Variants in BCL11B observed in about 807,000 individuals in gnomAD.
BCL11B encodes the protein B-cell lymphoma/leukemia 11B.
BCL11B carries 8 observed loss-of-function variants against 49.9 expected under a neutral mutation model. That is an observed-to-expected ratio of 0.16 (90% confidence interval 0.09 to 0.29). BCL11B has a LOEUF of 0.29. Among genes scored for constraint, BCL11B ranks in the 10% least tolerant of loss-of-function variants. The pLI, the probability that BCL11B is intolerant of heterozygous loss-of-function variation, is 1.00. For synonymous variants in BCL11B, 739 were observed against 637.4 expected, an observed-to-expected ratio of 1.16 and a Z score of -2.40; for missense variants, 1,006 against 1,351.0, an observed-to-expected ratio of 0.74 and a Z score of 4.00.
At chr14:99,264,469 A>G (rs1207158722) in intron 1 of BCL11B, 1 of 151,438 alleles carries the variant, frequency 6.6e-6, no homozygotes, top group East Asian at 2.0e-4. Context: ...GAAGGGGGCC[A>G]TAAAAAAGAA....
rs11385017 is a variant in BCL11B at position 99,187,662 on chromosome 14, C to CAA, written c.641-11469_641-11468dup. ...AAGAGGGAGTTAGGAGATAAACAGG[C>CAA]AAAAAAAAAAAAAAGGCCAGGAGTC... On this transcript the variant is annotated intron_variant, in intron 3 of 3. Transcript: ENST00000357195. Among the ~76,000 whole-genome samples the CAA allele has an allele frequency of 2.9e-3, 388 of 136,034 alleles. 3 individuals carry two copies. The highest frequency in any genetic ancestry group is 5.7e-3 in the African/African-American group (211 of 36,762). The allele number at this position is 136,034 out of a possible 152,430, so 89.2% of individuals were successfully genotyped here.
intron 3 of BCL11B, among the ~76,000 whole-genome samples, chr14:99,180,822 C>T (rs1200777451): frequency 6.6e-6 from 1 of 152,100 alleles, no homozygotes; most frequent in Non-Finnish European, 1.5e-5. Context: ...TGCAGCCTGC[C>T]TCATGCATTA....
intron 2 of BCL11B, among the ~76,000 whole-genome samples, chr14:99,233,364 C>A (rs1465061802): frequency 1.3e-5 from 2 of 152,180 alleles, no homozygotes; most frequent in Admixed American, 1.3e-4. Flanking sequence ...GTCCCCGAAG[C>A]CCGCAATGCT....
Position 99,176,099 on chromosome 14 carries a change from A to C in BCL11B, c.737T>G (p.Phe246Cys). 1 of 1,609,468 alleles carries C rather than the reference A, an allele frequency of 6.2e-7. No homozygotes were observed. The highest frequency in any genetic ancestry group is 8.5e-7 in the Non-Finnish European group (1 of 1,177,940). ...LLQHAQNTHGFRIYLEPGPAS... is the reference protein window; with the variant it reads ...LLQHAQNTHGCRIYLEPGPAS... ...CGGCCCGGGCTCCAGGTAGATGCGG[A>C]AGCCGTGCGTGTTCTGCGCGTGCTG... The change falls in exon 4 of 4, where the codon TTC becomes TGC. Residue 246 changes from phenylalanine (F) to cysteine (C), a missense_variant. Phe to Cys is a radical substitution (Grantham distance 205, BLOSUM62 -2). Transcript: ENST00000357195.
At chr14:99,207,416 T>C (rs1047621513) in intron 3 of BCL11B, among the ~76,000 whole-genome samples, 4 of 152,136 alleles carry the variant, frequency 2.6e-5, no homozygotes, top group African/African-American at 9.7e-5. Context: ...AGCTGAGACC[T>C]TGGGACCAGA....
At chr14:99,259,045 T>C (rs966879117) in intron 1 of BCL11B, among the ~76,000 whole-genome samples, 2 of 151,846 alleles carry the variant, frequency 1.3e-5, no homozygotes, top group Non-Finnish European at 2.9e-5. Flanking sequence ...AGTGTGGAGG[T>C]TTCATATTCC....
chr14:99,265,135 C>A (rs1055210494), intron 1 of BCL11B, among the ~76,000 whole-genome samples: 1 of 152,210 alleles, frequency 6.6e-6, no homozygotes, highest in African/African-American at 2.4e-5. Flanking sequence ...AGCATACTCA[C>A]GGCAGCTGGA....
chr14:99,266,661 G>A (rs923189717), intron 1 of BCL11B, among the ~76,000 whole-genome samples: 4 of 152,186 alleles, frequency 2.6e-5, no homozygotes, highest in Admixed American at 6.5e-5. Flanking sequence ...GTAAACTGCC[G>A]CCGCTGCTGA....
At position 99,170,364 on chromosome 14, in the gene BCL11B, T is replaced by C. The variant is rs1290181408; in HGVS notation, c.*3787A>G. 1.3e-5 allele frequency: 3 copies of C among 223,656 alleles called. No homozygotes were observed. The highest frequency in any genetic ancestry group is 2.7e-5 in the Non-Finnish European group (3 of 111,928). The allele number at this position is 223,656 out of a possible 1,614,324, so 13.9% of individuals were successfully genotyped here. A position where few individuals can be genotyped will look rare whatever the true frequency, so the allele number is the denominator to read the frequency against. On this transcript the variant is annotated 3_prime_UTR_variant, in exon 4 of 4. Coordinates refer to ENST00000357195, the MANE Select transcript of BCL11B (RefSeq NM_138576.4). ...AATTGCCCAAAAGGATGCTTGGTTA[T>C]ACTTTCATAACCTGAAATAATGGTT...
chr14:99,250,515 G>A (rs1888977632), intron 2 of BCL11B, among the ~76,000 whole-genome samples: 1 of 152,104 alleles, frequency 6.6e-6, no homozygotes, highest in African/African-American at 2.4e-5. Context: ...GGCACAGGGT[G>A]ACAGCCAGTC....
At chr14:99,252,903 T>C (rs982076275) in intron 2 of BCL11B, among the ~76,000 whole-genome samples, 3 of 152,240 alleles carry the variant, frequency 2.0e-5, no homozygotes, top group Non-Finnish European at 2.9e-5. Context: ...GAGGAACCTG[T>C]AGGAAATCAC....
chr14:99,204,424 C>T (rs1288127447), intron 3 of BCL11B, among the ~76,000 whole-genome samples: 4 of 152,192 alleles, frequency 2.6e-5, no homozygotes, highest in Non-Finnish European at 5.9e-5. Context: ...TGGCCAAAGG[C>T]ATTTTCACCA....
At position 99,174,957 on chromosome 14, in the gene BCL11B, C is replaced by T. The variant is rs2077134035; in HGVS notation, c.1879G>A (p.Ala627Thr). The T allele has an allele frequency of 1.3e-6, 2 of 1,507,684 alleles. No homozygotes were observed. The allele number at this position is 1,507,684 out of a possible 1,614,324, so 93.4% of individuals were successfully genotyped here. A position where few individuals can be genotyped will look rare whatever the true frequency, so the allele number is the denominator to read the frequency against. The change falls in exon 4 of 4, where the codon GCG becomes ACG. Residue 627 changes from alanine (A) to threonine (T), a missense_variant. Physicochemically the swap from Ala to Thr is moderately conservative, Grantham distance 58. Around this residue, in one of 6 missense-constraint regions of BCL11B, gnomAD observed 443 missense variants for 499.7 expected, o/e 0.89. Transcript: ENST00000357195. Reference sequence around the variant, plus strand: ...TCGCCCGCGTCCCCGCCGCCCGCCGCACGCTTCAGGAAGGCGCCGCGCTTC... The same window carrying T: ...TCGCCCGCGTCCCCGCCGCCCGCCGTACGCTTCAGGAAGGCGCCGCGCTTC... Reference protein sequence around the residue: ...KQKRGAFLKRAAGGGDAGDDD... With the variant: ...KQKRGAFLKRTAGGGDAGDDD...
chr14:99,207,172 T>G (rs1039245629), intron 3 of BCL11B, among the ~76,000 whole-genome samples: 1 of 152,212 alleles, frequency 6.6e-6, no homozygotes, highest in Non-Finnish European at 1.5e-5. Flanking sequence ...GATTGTATGA[T>G]TCTCATTCTT....
rs537810518 is a variant in BCL11B, at chr14:99,271,314, TGCCGCCGCCGCC to T, written c.-108_-97del. The T allele has an allele frequency of 7.1e-6, 6 of 849,156 alleles. No individual in the cohort carries two copies. The highest frequency in any genetic ancestry group is 5.3e-5 in the African/African-American group (3 of 57,052). The allele number at this position is 849,156 out of a possible 1,614,324, so 52.6% of individuals were successfully genotyped here. A position where few individuals can be genotyped will look rare whatever the true frequency, so the allele number is the denominator to read the frequency against. ...GCCGCCGCCGCGCCGCTGCCGCCGC[TGCCGCCGCCGCC>T]GCCGCCGCCGCACCTCCTCCTCTGC... On this transcript the variant is annotated 5_prime_UTR_variant, in exon 1 of 4. Transcript: ENST00000357195.
At chr14:99,268,599 T>G (rs1042009216) in intron 1 of BCL11B, among the ~76,000 whole-genome samples, 4 of 152,070 alleles carry the variant, frequency 2.6e-5, no homozygotes, top group Non-Finnish European at 4.4e-5. Flanking sequence ...GAGGCTAAAG[T>G]GCACCCCATT....
intron 3 of BCL11B, among the ~76,000 whole-genome samples, chr14:99,207,330 C>G (rs945414370): frequency 3.3e-5 from 5 of 152,152 alleles, no homozygotes; most frequent in Admixed American, 6.5e-5. Flanking sequence ...CCTTGATGAG[C>G]CTTTGCAGAC....
rs1886338546 is a variant in BCL11B, at chr14:99,172,950, C to T, written c.*1201G>A. ...ATAGAAATTTGCAAGATCCCCACCC[C>T]ACCCATCCCTACAATATCATCAGTG... On this transcript the variant is annotated 3_prime_UTR_variant, in exon 4 of 4. Transcript: ENST00000357195. The T allele has an allele frequency of 4.6e-6, 1 of 216,794 alleles. No individual in the cohort carries two copies. The highest frequency in any genetic ancestry group is 2.2e-5 in the African/African-American group (1 of 44,496). The allele number at this position is 216,794 out of a possible 1,614,324, so 13.4% of individuals were successfully genotyped here. A position where few individuals can be genotyped will look rare whatever the true frequency, so the allele number is the denominator to read the frequency against.
intron 2 of BCL11B, among the ~76,000 whole-genome samples, chr14:99,249,624 T>C (rs866791819): frequency 6.6e-6 from 1 of 152,196 alleles, no homozygotes; most frequent in Non-Finnish European, 1.5e-5. Flanking sequence ...GTGAAGAACA[T>C]AACTGCCGGA....
Sources: gnomAD v4.1 joint callset for allele counts (sites outside exome capture counted in the v4.1 genomes callset) on GRCh38, gnomAD v4.1.1 for gene constraint, gnomAD v4.1.1 regional missense constraint, MANE v1.5 for transcripts, NCBI Gene and HGNC (gene_info 2026-07-23, HGNC 2026-07-21) for gene names.